The following AGBL4 variants were observed in gnomAD, a reference collection of about 807,000 sequenced individuals.
AGBL4 encodes the protein AGBL carboxypeptidase 4.
Under a neutral mutation model 66.4 loss-of-function variants are expected in AGBL4, and 58 were observed. The ratio of observed to expected loss-of-function variants is 0.87; its 90% CI spans 0.71 to 1.09. The LOEUF (loss-of-function observed/expected upper bound fraction) is 1.09, where lower values mean the gene tolerates loss of function less well. Ranked by LOEUF, AGBL4 falls within the 50% of genes least tolerant of loss-of-function variation. The pLI, the probability that AGBL4 is intolerant of heterozygous loss-of-function variation, is 0.00. For missense variants in AGBL4, 579 were observed against 631.0 expected (o/e 0.92, Z 0.88); for synonymous variants, 234 against 222.9 (o/e 1.05, Z -0.44).
chr1:49,411,008 A>T (rs911917476), intron 3 of AGBL4, among the ~76,000 whole-genome samples: 5 of 152,224 alleles, frequency 3.3e-5, no homozygotes, highest in Non-Finnish European at 1.5e-5. Context: ...AAGGGAGTTT[A>T]TTAAGGAGAA....
At chr1:49,581,738 T>C (rs1002453670) in intron 3 of AGBL4, among the ~76,000 whole-genome samples, 12 of 152,140 alleles carry the variant, frequency 7.9e-5, no homozygotes, top group African/African-American at 2.7e-4. Flanking sequence ...GATGAGCTAT[T>C]CATGTTTGTC....
intron 2 of AGBL4, among the ~76,000 whole-genome samples, chr1:49,741,159 C>T (rs1253547125): frequency 6.6e-6 from 1 of 151,832 alleles, no homozygotes; most frequent in Non-Finnish European, 1.5e-5. Context: ...GCTAGCAAGA[C>T]TAATAAAGAA....
chr1:49,641,571 T>TTAA (rs1483159915), intron 3 of AGBL4, among the ~76,000 whole-genome samples: 2 of 152,108 alleles, frequency 1.3e-5, no homozygotes, highest in African/African-American at 4.8e-5. Flanking sequence ...GAGGCATTTA[T>TTAA]TATTTAACAG....
chr1:49,247,816 A>T (rs1251904574), intron 3 of AGBL4, among the ~76,000 whole-genome samples: 1 of 152,136 alleles, frequency 6.6e-6, no homozygotes, highest in Non-Finnish European at 1.5e-5. Flanking sequence ...ATGCTACATT[A>T]TTTGTTTACT....
intron 2 of AGBL4, among the ~76,000 whole-genome samples, chr1:49,789,768 T>A (rs1386515093): frequency 6.6e-6 from 1 of 152,166 alleles, no homozygotes; most frequent in Non-Finnish European, 1.5e-5. Context: ...AAGTAATTTA[T>A]AGATTCAATG....
intron 1 of AGBL4, among the ~76,000 whole-genome samples, chr1:49,969,993 T>C (rs1336849792): frequency 6.6e-6 from 1 of 152,130 alleles, no homozygotes; most frequent in African/African-American, 2.4e-5. Context: ...GAATACATGA[T>C]GGGGAAAGAG....
chr1:48,743,115 C>A (rs1650182622), intron 6 of AGBL4, among the ~76,000 whole-genome samples: 1 of 152,124 alleles, frequency 6.6e-6, no homozygotes, highest in Non-Finnish European at 1.5e-5. Flanking sequence ...GTGGGAATTA[C>A]TGAAATATGC....
chr1:49,108,449 C>G (rs1388357021), intron 4 of AGBL4, among the ~76,000 whole-genome samples: 3 of 152,100 alleles, frequency 2.0e-5, no homozygotes, highest in Non-Finnish European at 4.4e-5. Context: ...GTGGGGGAAT[C>G]TCTGTTTAAT....
chr1:48,830,953 A>G (rs985494486), intron 6 of AGBL4, among the ~76,000 whole-genome samples: 2 of 152,164 alleles, frequency 1.3e-5, no homozygotes, highest in Admixed American at 1.3e-4. Context: ...GTCCCCATCA[A>G]CTCACAATCT....
At chr1:48,588,740 C>T (rs76083791) in intron 10 of AGBL4, among the ~76,000 whole-genome samples, 11,301 of 149,058 alleles carry the variant, frequency 0.076, 482 homozygotes, top group South Asian at 0.13. Context: ...TCTGAAAGAC[C>T]TTTGAAATCC....
At chr1:49,548,326 C>T (rs1276536122) in intron 3 of AGBL4, among the ~76,000 whole-genome samples, 3 of 152,170 alleles carry the variant, frequency 2.0e-5, no homozygotes, top group African/African-American at 4.8e-5. Flanking sequence ...CTGGCTAGGA[C>T]TTCCAGTGCT....
In AGBL4 at chr1:48,949,590, C is replaced by G. The variant is rs1656800828; in HGVS notation, c.595-82360G>C. On this transcript the variant is annotated intron_variant, in intron 5 of 13. Transcript: ENST00000371839. ...AAGAGAGGGAGTCAGCTACAAACAT[C>G]TGCCAGGCATAGAGAAACTGAAGCC... Among the ~76,000 whole-genome samples, 5 of 152,216 alleles carry G rather than the reference C, an allele frequency of 3.3e-5. No homozygotes were observed. In the South Asian group the frequency reaches 1.0e-3, roughly 32 times the overall value.
At chr1:49,763,913 A>C (rs897844900) in intron 2 of AGBL4, among the ~76,000 whole-genome samples, 5 of 152,242 alleles carry the variant, frequency 3.3e-5, no homozygotes, top group Non-Finnish European at 7.4e-5. Context: ...AGACTATACC[A>C]CATGAGACCC....
chr1:49,941,404 A>G lies in AGBL4; in HGVS notation c.34+82359T>C, dbSNP rs371788539. 4.6e-5 allele frequency among the ~76,000 whole-genome samples: 7 copies of G among 152,288 alleles called. No individual in the cohort carries two copies. The East Asian group carries it at 1.2e-3, about 25-fold the overall frequency. On this transcript the variant is annotated intron_variant, in intron 1 of 13. Transcript: ENST00000371839. ...TTTGTATCATCATTACCCTGACACCAAAGTCAAAGCAAATTACTACAAGAA... is the reference window on the plus strand; with the variant it reads ...TTTGTATCATCATTACCCTGACACCGAAGTCAAAGCAAATTACTACAAGAA...
intron 3 of AGBL4, among the ~76,000 whole-genome samples, chr1:49,409,156 C>T (rs1450257651): frequency 6.6e-6 from 1 of 151,868 alleles, no homozygotes. Context: ...CTGGCTCTCT[C>T]TCTCTCTCTC....
At chr1:49,934,715 T>C (rs1305808168) in intron 1 of AGBL4, among the ~76,000 whole-genome samples, 1 of 151,422 alleles carries the variant, frequency 6.6e-6, no homozygotes, top group African/African-American at 2.4e-5. Context: ...AGATCTTAAA[T>C]GAGTAACCTA....
intron 3 of AGBL4, among the ~76,000 whole-genome samples, chr1:49,365,345 T>C (rs1331723206): frequency 6.6e-6 from 1 of 151,950 alleles, no homozygotes; most frequent in East Asian, 1.9e-4. Context: ...ATGGAAACAA[T>C]AGTAATAATG....
chr1:49,068,414 T>C (rs1220491278), intron 4 of AGBL4, among the ~76,000 whole-genome samples: 2 of 147,192 alleles, frequency 1.4e-5, no homozygotes, highest in African/African-American at 5.1e-5. Flanking sequence ...CAGTGTGTGA[T>C]GTTCCCCTCC....
At chr1:49,587,055 C>A (rs1571112690) in intron 3 of AGBL4, among the ~76,000 whole-genome samples, 1 of 151,952 alleles carries the variant, frequency 6.6e-6, no homozygotes, top group Admixed American at 6.6e-5. Context: ...ACCAGCCTGG[C>A]CAAAATGGTG....
Sources: allele counts gnomAD v4.1 joint callset (sites outside exome capture counted in the v4.1 genomes callset), GRCh38; gene constraint gnomAD v4.1.1; transcripts MANE v1.5; gene names NCBI Gene and HGNC (gene_info 2026-07-23, HGNC 2026-07-21).